MRC2: variants seen among roughly 807,000 people sequenced by gnomAD.
MRC2 encodes the protein C-type mannose receptor 2.
Under a neutral mutation model 206.2 loss-of-function variants are expected in MRC2, and 84 were observed. The ratio of observed to expected loss-of-function variants is 0.41; its 90% CI spans 0.34 to 0.49. The LOEUF is 0.49. MRC2 is among the 20% of genes least tolerant of loss of function. MRC2 has a pLI of 0.31. For missense variants in MRC2, 1,676 were observed against 2,001.5 expected (o/e 0.84, Z 3.10); for synonymous variants, 798 against 800.0 (o/e 1.00, Z 0.04).
intron 6 of MRC2, among the ~76,000 whole-genome samples, chr17:62,669,656 G>A (rs952875060): frequency 1.3e-5 from 2 of 152,070 alleles, no homozygotes; most frequent in Non-Finnish European, 2.9e-5. Flanking sequence ...AGGTTCAAGC[G>A]ATTCTCATGC....
chr17:62,641,484 T>C (rs2088403423), intron 1 of MRC2, among the ~76,000 whole-genome samples: 1 of 152,162 alleles, frequency 6.6e-6, no homozygotes, highest in South Asian at 2.1e-4. Flanking sequence ...TTTGCAGTCA[T>C]CTTGGTCCCC....
intron 22 of MRC2, 36 bp from the exon 23 acceptor site, chr17:62,688,816 C>G: frequency 6.3e-7 from 1 of 1,586,344 alleles, no homozygotes; most frequent in Non-Finnish European, 8.6e-7. Context: ...AGGGAGGCAG[C>G]TGCTGGGGCT....
chr17:62,654,134 C>T (rs537593050), intron 1 of MRC2, among the ~76,000 whole-genome samples: 49 of 151,174 alleles, frequency 3.2e-4, no homozygotes, highest in Middle Eastern at 3.4e-3. Flanking sequence ...GATGACCCCT[C>T]GCCTCTGCGT....
At chr17:62,659,251 C>G (rs1598979202) in intron 1 of MRC2, among the ~76,000 whole-genome samples, 1 of 152,240 alleles carries the variant, frequency 6.6e-6, no homozygotes, top group Middle Eastern at 3.4e-3. Context: ...TTTAAGATTT[C>G]AACACAGGCC....
intron 20 of MRC2, chr17:62,683,961 T>C (rs1289627414): frequency 6.6e-6 from 1 of 152,194 alleles, no homozygotes; most frequent in East Asian, 1.9e-4. Context: ...AAGATTAGCA[T>C]GGCCCTGCAC....
At chr17:62,629,532 A>T (rs2084199448) in intron 1 of MRC2, among the ~76,000 whole-genome samples, 1 of 152,076 alleles carries the variant, frequency 6.6e-6, no homozygotes, top group African/African-American at 2.4e-5. Context: ...CACCCTGAGG[A>T]GGCTTGGATC....
intron 20 of MRC2, among the ~76,000 whole-genome samples, chr17:62,688,041 C>T (rs1348063233): frequency 1.3e-5 from 2 of 152,208 alleles, no homozygotes; most frequent in Admixed American, 6.5e-5. Flanking sequence ...TAGCCTTTGA[C>T]GGCCCAAAGA....
intron 20 of MRC2, among the ~76,000 whole-genome samples, 192 bp downstream of exon 20, chr17:62,682,569 C>A (rs957046175): frequency 5.9e-5 from 9 of 152,312 alleles, no homozygotes; most frequent in Admixed American, 2.0e-4. Flanking sequence ...TGTAGTAGCA[C>A]CTTCCAATCC....
rs759404957 is a variant in MRC2 at position 62,690,220 on chromosome 17, G to A, written c.3807G>A (p.Ala1269=). ...GTCCCCAGGGACTGGCAGACTCCGCGTGGATTCCCTTCCGGGAGCACTGCT... is the reference window on the plus strand; with the variant it reads ...GTCCCCAGGGACTGGCAGACTCCGCATGGATTCCCTTCCGGGAGCACTGCT... The part of the protein sequence containing the change: ...GSCPQGLADS[A]WIPFREHCYS... The change falls in exon 26 of 30, where the codon GCG becomes GCA. Residue 1269 remains alanine (A), a synonymous_variant. Transcript: ENST00000303375. 1.9e-5 allele frequency: 30 copies of A among 1,613,070 alleles called. No homozygotes were observed. Among genetic ancestry groups the A allele is most frequent in the Middle Eastern group, 3.3e-4 (2 of 6,078 alleles).
chr17:62,631,940 C>T (rs572389898), intron 1 of MRC2, among the ~76,000 whole-genome samples: 5 of 152,234 alleles, frequency 3.3e-5, no homozygotes, highest in East Asian at 1.9e-4. Flanking sequence ...ACCTCCCCAC[C>T]GTGTCTCCAG....
rs1354769220 is a variant in MRC2 at position 62,667,036 on chromosome 17, G to A, written c.973+166G>A. Among the ~76,000 whole-genome samples the A allele has an allele frequency of 6.6e-6, 1 of 152,082 alleles. No individual in the cohort carries two copies. The highest frequency in any genetic ancestry group is 1.9e-4 in the East Asian group (1 of 5,168). ...TGCGCCCCCCTAGCCCATGTAGGGC[G>A]GCGCTGCCCCAGGCCGAAGGTCTTG... On this transcript the variant is annotated intron_variant, in intron 5 of 29. Coordinates refer to ENST00000303375, the MANE Select transcript of MRC2 (RefSeq NM_006039.5). This position sits in a 1 kb window ranked among gnomAD's most constrained non-coding sequence, Gnocchi z 4.1.
chr17:62,639,647 CT>C (rs1366615051), intron 1 of MRC2, among the ~76,000 whole-genome samples: 1 of 152,152 alleles, frequency 6.6e-6, no homozygotes, highest in Non-Finnish European at 1.5e-5. Flanking sequence ...TTTTAAGAGA[CT>C]GGGTCTCACT....
chr17:62,645,500 TATATATATATA>T (rs2088466177), intron 1 of MRC2, among the ~76,000 whole-genome samples: 18 of 68,178 alleles, frequency 2.6e-4, no homozygotes, highest in Middle Eastern at 8.1e-3. Context: ...GTATATATTA[TATATATATATA>T]TATATATATA....
Position 62,633,735 on chromosome 17 carries a change from G to A in MRC2, c.118+5815G>A, listed in dbSNP as rs368012653. ...TCATTCCTGTAGTCCCAGCTACTGG[G>A]CAGGCTGAGATGGGAGGATTGCTTG... On this transcript the variant is annotated intron_variant, in intron 1 of 29. Transcript: ENST00000303375. Among the ~76,000 whole-genome samples the A allele has an allele frequency of 4.7e-5, 7 of 149,754 alleles. No individual in the cohort carries two copies. In the East Asian group the frequency reaches 7.9e-4, roughly 17 times the overall value.
At position 62,692,169 on chromosome 17, in the gene MRC2, A is replaced by C. The variant is rs756500648; in HGVS notation, c.4219+31A>C. The C allele has an allele frequency of 1.2e-6, 2 of 1,614,048 alleles. No individual in the cohort carries two copies. The highest frequency in any genetic ancestry group is 2.7e-5 in the African/African-American group (2 of 74,954). ...TGAAAGGCAATGCCCCCAGGTGGGC[A>C]GGCAGGAAGCACTGCTGGGCCTAAC... is the stretch of plus-strand genomic sequence containing the variant. On this transcript the variant is annotated intron_variant, in intron 29 of 29. Transcript: ENST00000303375. This position sits in a 1 kb window ranked among gnomAD's most constrained non-coding sequence, Gnocchi z 4.2.
Position 62,667,675 on chromosome 17 carries a change from G to A in MRC2, c.1117+142G>A. 15 of 950,200 alleles carry A rather than the reference G, an allele frequency of 1.6e-5. No homozygotes were observed. The highest frequency in any genetic ancestry group is 2.2e-5 in the Non-Finnish European group (15 of 677,808). 58.9% of individuals were successfully genotyped at this position (950,200 alleles called of 1,614,324 possible). On this transcript the variant is annotated intron_variant, in intron 6 of 29. Coordinates refer to ENST00000303375, the MANE Select transcript of MRC2 (RefSeq NM_006039.5). This position sits in a 1 kb window ranked among gnomAD's most constrained non-coding sequence, Gnocchi z 4.1. The stretch of plus-strand genomic sequence containing the variant: ...TGGATCCTCTGACTCTTATTTCATT[G>A]TTCAGTTAAAGTCTGAGCAAATTGG...
intron 20 of MRC2, chr17:62,683,795 G>T (rs1001954850): frequency 4.6e-5 from 7 of 151,650 alleles, no homozygotes; most frequent in Non-Finnish European, 8.8e-5. Flanking sequence ...AACCCAGGAG[G>T]TAGAGGCTTC....
At chr17:62,668,533 G>T (rs1280207548) in intron 6 of MRC2, among the ~76,000 whole-genome samples, 3 of 152,130 alleles carry the variant, frequency 2.0e-5, no homozygotes, top group Non-Finnish European at 4.4e-5. Flanking sequence ...GAAATGCACA[G>T]TCAGGCCCGC....
At chr17:62,688,474 C>T (rs1200493257) in intron 21 of MRC2, 27 bp from the exon 22 acceptor site, 1 of 1,614,180 alleles carries the variant, frequency 6.2e-7, no homozygotes, top group Admixed American at 1.7e-5. Flanking sequence ...AGCAGAGTCA[C>T]TCACAACTGT....
Sources: allele counts gnomAD v4.1 joint callset (sites outside exome capture counted in the v4.1 genomes callset), GRCh38; gene constraint gnomAD v4.1.1; non-coding constraint Gnocchi (gnomAD v3.1); transcripts MANE v1.5; gene names NCBI Gene and HGNC (gene_info 2026-07-23, HGNC 2026-07-21).